The following CPLANE1 variants were observed in gnomAD, a reference collection of about 807,000 sequenced individuals.
CPLANE1 encodes ciliogenesis and planar polarity effector complex subunit 1.
A neutral mutation model predicts 362.5 loss-of-function variants in CPLANE1; 263 were observed. The ratio of observed to expected loss-of-function variants is 0.73; its 90% CI spans 0.66 to 0.80. The LOEUF is 0.80. Among genes scored for constraint, CPLANE1 ranks in the 30% least tolerant of loss-of-function variants. CPLANE1 has a pLI of 0.00. For synonymous variants in CPLANE1, 1,212 were observed against 1,302.6 expected (o/e 0.93, Z 1.50); for missense variants, 3,461 against 3,793.4 (o/e 0.91, Z 2.30).
Position 37,196,856 on chromosome 5 carries a change from C to A in CPLANE1, c.3673-860G>T, listed in dbSNP as rs150723398. ...AGGAGAATCACTTAAACCCGGGAGC[C>A]GGAGGTTGCGGTGAGCCGAGACCAT... On this transcript the variant is annotated intron_variant, in intron 20 of 52. Transcript: ENST00000651892. Among the ~76,000 whole-genome samples, 1,302 of 151,660 alleles carry A rather than the reference C, an allele frequency of 8.6e-3. 24 individuals are homozygous for A. The highest frequency in any genetic ancestry group is 0.03 in the African/African-American group (1,226 of 41,302).
intron 44 of CPLANE1, chr5:37,141,805 T>C (rs921885150): frequency 2.0e-6 from 2 of 978,360 alleles, no homozygotes; most frequent in African/African-American, 1.8e-5. Flanking sequence ...CCAAATGAAA[T>C]AAAACAAAAA....
intron 20 of CPLANE1, 109 bp from the exon 21 acceptor site, chr5:37,196,105 C>CA: frequency 1.3e-6 from 1 of 755,856 alleles, no homozygotes; most frequent in Non-Finnish European, 2.0e-6. Flanking sequence ...GAATGGAAAA[C>CA]ACAGCACATG....
In CPLANE1 at chr5:37,210,029, T is replaced by C. The variant is rs1363810681; in HGVS notation, c.2920+3530A>G. ...AAATATGTCAAAAGTTGAAGTTTTT[T>C]AAAGATACCGAAATAGGAAAAATTA... On this transcript the variant is annotated intron_variant, in intron 16 of 52. Coordinates refer to ENST00000651892, the MANE Select transcript of CPLANE1 (RefSeq NM_001384732.1). 6.1e-6 allele frequency: 5 copies of C among 822,436 alleles called. No individual in the cohort carries two copies. In the African/African-American group the frequency reaches 8.6e-5, roughly 14 times the overall value. The allele number at this position is 822,436 out of a possible 1,614,324, so 50.9% of individuals were successfully genotyped here.
chr5:37,190,983 TA>T (rs940261265), intron 21 of CPLANE1, among the ~76,000 whole-genome samples: 6 of 152,040 alleles, frequency 3.9e-5, no homozygotes, highest in African/African-American at 1.2e-4. Context: ...TCTTACTTAT[TA>T]AAAAAAACTG....
chr5:37,210,935 G>T, intron 16 of CPLANE1: 3 of 780,042 alleles, frequency 3.8e-6, no homozygotes, highest in Non-Finnish European at 7.1e-6. Flanking sequence ...TGAAGGCCCA[G>T]ATACTAGGTT....
chr5:37,245,185 C>G (rs1033861720), intron 4 of CPLANE1, among the ~76,000 whole-genome samples: 11 of 149,948 alleles, frequency 7.3e-5, no homozygotes, highest in African/African-American at 2.7e-4. Flanking sequence ...CAACATTTAT[C>G]AAGTATATAT....
intron 21 of CPLANE1, among the ~76,000 whole-genome samples, chr5:37,193,193 C>A (rs1786160154): frequency 6.6e-6 from 1 of 150,462 alleles, no homozygotes; most frequent in Non-Finnish European, 1.5e-5. Context: ...ACAACAACAA[C>A]AAAACTTCAT....
intron 42 of CPLANE1, among the ~76,000 whole-genome samples, chr5:37,149,585 AC>A (rs1316337915): frequency 1.3e-5 from 2 of 152,212 alleles, no homozygotes; most frequent in African/African-American, 4.8e-5. Context: ...ATGCGTACAT[AC>A]CTATGATAAA....
chr5:37,212,214 A>C, intron 16 of CPLANE1: 1 of 1,427,822 alleles, frequency 7.0e-7, no homozygotes, highest in Non-Finnish European at 9.9e-7. Flanking sequence ...TCACAGTGAA[A>C]ATCCTTTAGA....
At chr5:37,235,352 A>G (rs1423446703) in intron 8 of CPLANE1, among the ~76,000 whole-genome samples, 1 of 152,176 alleles carries the variant, frequency 6.6e-6, no homozygotes, top group Non-Finnish European at 1.5e-5. Flanking sequence ...GAGAAATTGT[A>G]GATGACATAA....
At chr5:37,201,516 T>C in intron 19 of CPLANE1, 75 bp downstream of exon 19, 1 of 1,237,814 alleles carries the variant, frequency 8.1e-7, no homozygotes. Context: ...CTGATGATTA[T>C]TATCAAGTTA....
intron 46 of CPLANE1, among the ~76,000 whole-genome samples, chr5:37,129,007 T>C (rs1765027299): frequency 6.6e-6 from 1 of 152,122 alleles, no homozygotes; most frequent in Non-Finnish European, 1.5e-5. Flanking sequence ...CTTCAAACTA[T>C]ACTATAAGGC....
At chr5:37,225,336 G>C (rs934366022) in intron 12 of CPLANE1, among the ~76,000 whole-genome samples, 3 of 151,556 alleles carry the variant, frequency 2.0e-5, no homozygotes, top group African/African-American at 7.3e-5. Flanking sequence ...CTCAACCTCT[G>C]CCTCCTGGAC....
chr5:37,092,992 G>A, the CPLANE1 span, among the ~76,000 whole-genome samples: 1 of 152,248 alleles, frequency 6.6e-6, no homozygotes, highest in East Asian at 1.9e-4. Context: ...ATGGTACTAA[G>A]GAGATAATCT....
At chr5:37,179,629 G>A (rs1211831656) in intron 28 of CPLANE1, among the ~76,000 whole-genome samples, 186 bp from the exon 29 acceptor site, 1 of 152,188 alleles carries the variant, frequency 6.6e-6, no homozygotes, top group Admixed American at 6.5e-5. Context: ...TCCCAGATGA[G>A]CCTTGAGAGG....
Position 37,246,645 on chromosome 5 carries a change from T to G in CPLANE1, c.82-800A>C, listed in dbSNP as rs142904266. Among the ~76,000 whole-genome samples the G allele has an allele frequency of 2.3e-4, 35 of 152,258 alleles. No individual in the cohort carries two copies. In the East Asian group the frequency reaches 6.2e-3, roughly 27 times the overall value. On this transcript the variant is annotated intron_variant, in intron 2 of 52. Transcript: ENST00000651892. ...TTTGTTTTCATATATTCTAAGGCAG[T>G]GATTTTCAAGGTATAACTGAGCCAG...
chr5:37,227,580 C>A lies in CPLANE1; in HGVS notation c.1359G>T (p.Val453=). ...TQRLEKIYQS[V]ILSKPKGKGL... is the part of the protein sequence containing the mutation. Reference sequence around the variant, plus strand: ...AAAAGCACTATACCTTAGACAATATCACACTTTGATATATTTTCTCAAGCC... The same window carrying A: ...AAAAGCACTATACCTTAGACAATATAACACTTTGATATATTTTCTCAAGCC... The change falls in exon 10 of 53, where the codon GTG becomes GTT. Residue 453 remains valine (V), a synonymous_variant. Coordinates refer to ENST00000651892, the MANE Select transcript of CPLANE1 (RefSeq NM_001384732.1). 6.5e-7 allele frequency: 1 copy of A among 1,550,382 alleles called. No homozygotes were observed. Among genetic ancestry groups the A allele is most frequent in the Non-Finnish European group, 8.7e-7 (1 of 1,146,522 alleles).
the CPLANE1 span, among the ~76,000 whole-genome samples, chr5:37,076,357 A>G: frequency 6.6e-6 from 1 of 151,862 alleles, no homozygotes; most frequent in South Asian, 2.1e-4. Flanking sequence ...ACAAGGTCTC[A>G]CTCTGTTACC....
rs1426095975 is a variant in CPLANE1 at position 37,162,483 on chromosome 5, T to G, written c.7672A>C (p.Ser2558Arg). Residue 2558 changes from serine to arginine, a missense_variant, in exon 38 of 53, where the codon AGT (serine) becomes CGT (arginine). Ser to Arg is a moderately radical substitution (Grantham distance 110, BLOSUM62 -1). This residue lies in a region of CPLANE1 where 3,380 missense variants were observed against 3,666.1 expected (regional missense o/e 0.92). Coordinates refer to ENST00000651892, the MANE Select transcript of CPLANE1 (RefSeq NM_001384732.1). ...KKKAIGSQDA[S>R]TNTDPEHEPL... is the part of the protein sequence containing the mutation. ...CATTTACCTGGGTCTGTATTTGTAC[T>G]TGCATCTTGACTTCCTATAGCTTTC... 6.2e-7 allele frequency: 1 copy of G among 1,609,408 alleles called. No individual in the cohort carries two copies. The highest frequency in any genetic ancestry group is 1.3e-5 in the African/African-American group (1 of 74,950).
Sources: gnomAD v4.1 joint callset for allele counts (sites outside exome capture counted in the v4.1 genomes callset) on GRCh38, gnomAD v4.1.1 for gene constraint, gnomAD v4.1.1 regional missense constraint, MANE v1.5 for transcripts, NCBI Gene and HGNC (gene_info 2026-07-23, HGNC 2026-07-21) for gene names.